Variants in SMC6 observed in about 807,000 individuals in gnomAD.
The protein encoded by SMC6 is structural maintenance of chromosomes 6.
SMC6 carries 79 observed loss-of-function variants against 142.2 expected under a neutral mutation model. That is an observed-to-expected ratio of 0.56 (90% CI 0.46 to 0.67). The LOEUF is 0.67. Among genes scored for constraint, SMC6 ranks in the 30% least tolerant of loss-of-function variants. The pLI, the probability that SMC6 is intolerant of heterozygous loss-of-function variation, is 0.00. For missense variants in SMC6, 1,072 were observed against 1,284.0 expected, an observed-to-expected ratio of 0.83 and a Z score of 2.52; for synonymous variants, 411 against 412.4, an observed-to-expected ratio of 1.00 and a Z score of 0.04.
rs186178234 is a variant in SMC6 at position 17,683,036 on chromosome 2, C to T, written c.2804+602G>A. On this transcript the variant is annotated intron_variant, in intron 24 of 27. Coordinates refer to ENST00000448223, the MANE Select transcript of SMC6 (RefSeq NM_001142286.2). ...CTCGGATTCATGTATATTAAAGGAC[C>T]GTCCCTCCCTATCAATTATCCTCTG... 5.0e-4 allele frequency among the ~76,000 whole-genome samples: 76 copies of T among 152,114 alleles called. 2 individuals are homozygous for T. The highest frequency in any genetic ancestry group is 4.4e-3 in the Admixed American group (68 of 15,292).
At position 17,708,740 on chromosome 2, in the gene SMC6, G is replaced by C; in HGVS notation, c.1744C>G (p.Pro582Ala). 1 of 1,530,944 alleles carries C rather than the reference G, an allele frequency of 6.5e-7. No individual in the cohort carries two copies. Among genetic ancestry groups the C allele is most frequent in the Non-Finnish European group, 8.8e-7 (1 of 1,137,168 alleles). 94.8% of individuals were successfully genotyped at this position (1,530,944 alleles called of 1,614,324 possible). Residue 582 changes from proline (P) to alanine (A), a missense_variant, in exon 17 of 28, where the codon CCA becomes GCA. Pro to Ala is a conservative substitution (Grantham distance 27). Around this residue, in one of 3 missense-constraint regions of SMC6, gnomAD observed 994 missense variants for 1,153.2 expected, o/e 0.86. Coordinates refer to ENST00000448223, the MANE Select transcript of SMC6 (RefSeq NM_001142286.2). ...YDVRHRAAYH[P>A]DFPTVLTALE... is the part of the protein sequence containing the mutation. ...GCTGTCAGAACTGTTGGAAAGTCTG[G>C]ATGATAAGCAGCTCTAGGAGACAAA...
chr2:17,718,418 G>A (rs1669208505), intron 11 of SMC6, among the ~76,000 whole-genome samples, 195 bp from the exon 12 acceptor site: 1 of 152,108 alleles, frequency 6.6e-6, no homozygotes, highest in Non-Finnish European at 1.5e-5. Flanking sequence ...TCCAACAAAT[G>A]TGTTATCCTC....
intron 7 of SMC6, among the ~76,000 whole-genome samples, chr2:17,730,524 G>A (rs575333476): frequency 6.6e-6 from 1 of 151,616 alleles, no homozygotes; most frequent in East Asian, 1.9e-4. Context: ...GAGCAGTATA[G>A]ACTAAATGCT....
At chr2:17,690,136 G>GA (rs1188516982) in intron 23 of SMC6, among the ~76,000 whole-genome samples, 2 of 152,166 alleles carry the variant, frequency 1.3e-5, no homozygotes. Flanking sequence ...AACTAATAGA[G>GA]AAATGTAATA....
intron 6 of SMC6, 58 bp from the exon 7 acceptor site, chr2:17,731,197 A>C (rs1669899441): frequency 1.7e-6 from 2 of 1,149,060 alleles, no homozygotes; most frequent in Non-Finnish European, 2.6e-6. Flanking sequence ...ACACAGAAAA[A>C]ATGTATAGTT....
At chr2:17,712,509 G>A (rs1360547843) in intron 16 of SMC6, among the ~76,000 whole-genome samples, 2 of 152,140 alleles carry the variant, frequency 1.3e-5, no homozygotes, top group Non-Finnish European at 2.9e-5. Flanking sequence ...TAGCTTCTAT[G>A]TCCTTCTGAA....
intron 16 of SMC6, among the ~76,000 whole-genome samples, chr2:17,709,128 G>T (rs1668693531): frequency 6.6e-6 from 1 of 151,894 alleles, no homozygotes; most frequent in Admixed American, 6.6e-5. Context: ...TATGTAACTG[G>T]GCTAGGATTT....
At chr2:17,731,932 T>G (rs987243126) in intron 5 of SMC6, 55 bp from the exon 6 acceptor site, 8 of 1,543,044 alleles carry the variant, frequency 5.2e-6, no homozygotes, top group Non-Finnish European at 7.0e-6. Flanking sequence ...ATTACAATAC[T>G]AGGTTGCCAC....
chr2:17,665,937 G>C (rs1446485650), intron 27 of SMC6, among the ~76,000 whole-genome samples: 3 of 152,102 alleles, frequency 2.0e-5, no homozygotes, highest in African/African-American at 7.2e-5. Context: ...CACAAATTTA[G>C]ATCCCCATAT....
intron 20 of SMC6, among the ~76,000 whole-genome samples, chr2:17,701,530 T>A (rs1363285764): frequency 1.3e-5 from 2 of 152,350 alleles, no homozygotes; most frequent in Non-Finnish European, 2.9e-5. Context: ...AACACTATGC[T>A]CAACAGCAGG....
At position 17,723,426 on chromosome 2, in the gene SMC6, C is replaced by T. The variant is rs1025370720; in HGVS notation, c.726+1831G>A. Among the ~76,000 whole-genome samples the T allele has an allele frequency of 3.0e-4, 46 of 152,328 alleles. 1 individual carries two copies. The South Asian group carries it at 8.9e-3, about 30-fold the overall frequency. ...ACAACCTGGCCTCTCATCTCTCACA[C>T]CTGTGTTTTACACTCTAGCCAATCT... On this transcript the variant is annotated intron_variant, in intron 9 of 27. Transcript: ENST00000448223.
At chr2:17,734,717 G>A (rs549031688) in intron 5 of SMC6, among the ~76,000 whole-genome samples, 53 of 145,794 alleles carry the variant, frequency 3.6e-4, no homozygotes, top group South Asian at 2.1e-3. Context: ...ATATCCTACT[G>A]CTATATAAAT....
chr2:17,709,405 C>G (rs1360729697), intron 16 of SMC6, among the ~76,000 whole-genome samples: 2 of 152,098 alleles, frequency 1.3e-5, no homozygotes, highest in East Asian at 3.8e-4. Context: ...GACAATCTTT[C>G]AACTAAAATG....
At chr2:17,745,709 C>T (rs753547557) in intron 3 of SMC6, 118 bp downstream of exon 3, 326 of 1,112,456 alleles carry the variant, frequency 2.9e-4, no homozygotes, top group Non-Finnish European at 3.8e-4. Context: ...CAGATTTTAC[C>T]TCAACTTTTA....
intron 2 of SMC6, among the ~76,000 whole-genome samples, chr2:17,751,122 T>C (rs375501627): frequency 6.6e-6 from 1 of 151,662 alleles, no homozygotes; most frequent in East Asian, 1.9e-4. Context: ...TAATACTAAA[T>C]GCCATTATAA....
chr2:17,718,004 A>C, intron 12 of SMC6, 73 bp downstream of exon 12: 1 of 1,424,634 alleles, frequency 7.0e-7, no homozygotes, highest in Non-Finnish European at 9.4e-7. Flanking sequence ...AAATATAATA[A>C]AAAAGGATAG....
intron 7 of SMC6, among the ~76,000 whole-genome samples, chr2:17,730,472 G>T (rs1296261481): frequency 6.6e-6 from 1 of 151,038 alleles, no homozygotes; most frequent in Non-Finnish European, 1.5e-5. Flanking sequence ...ACAGCAAAAA[G>T]CAAAGAAACC....
intron 27 of SMC6, among the ~76,000 whole-genome samples, chr2:17,665,817 C>T (rs928236628): frequency 8.6e-5 from 13 of 152,032 alleles, no homozygotes; most frequent in Non-Finnish European, 1.9e-4. Flanking sequence ...CCTGCTAGAT[C>T]CCATGGGTTT....
At chr2:17,666,118 C>T (rs1666484598) in intron 27 of SMC6, among the ~76,000 whole-genome samples, 1 of 152,168 alleles carries the variant, frequency 6.6e-6, no homozygotes, top group Non-Finnish European at 1.5e-5. Context: ...AATCATAAAT[C>T]ATTTTAGTCC....
Sources: allele counts gnomAD v4.1 joint callset (sites outside exome capture counted in the v4.1 genomes callset), GRCh38; gene constraint gnomAD v4.1.1; regional missense constraint gnomAD v4.1.1; transcripts MANE v1.5; gene names NCBI Gene and HGNC (gene_info 2026-07-23, HGNC 2026-07-21).